DNA2: variants seen among roughly 807,000 people sequenced by gnomAD.
DNA2 encodes the protein DNA replication helicase/nuclease 2.
In DNA2, 101 loss-of-function variants were observed where a neutral mutation model predicts 119.1. The observed-to-expected ratio is 0.85, with a 90% CI of 0.72 to 1.00. The LOEUF (loss-of-function observed/expected upper bound fraction) is 1.00. DNA2 is among the 50% of genes least tolerant of loss of function. DNA2 has a pLI of 0.00. For missense variants in DNA2, 1,121 were observed against 1,255.5 expected (o/e 0.89, Z 1.62); for synonymous variants, 366 against 424.4 (o/e 0.86, Z 1.69).
chr10:68,422,922 A>C, intron 14 of DNA2, 32 bp from the exon 15 acceptor site: 3 of 1,447,824 alleles, frequency 2.1e-6, no homozygotes, highest in Non-Finnish European at 2.8e-6. Flanking sequence ...CAGTTATTTA[A>C]CATGTAAAAG....
In DNA2 at chr10:68,467,418, G is replaced by GTT. The variant is rs35789808; in HGVS notation, c.441+703_441+704dup. 1.8e-3 allele frequency among the ~76,000 whole-genome samples: 269 copies of GTT among 148,756 alleles called. 1 individual carries two copies. The highest frequency in any genetic ancestry group is 6.0e-3 in the African/African-American group (243 of 40,672). On this transcript the variant is annotated intron_variant, in intron 3 of 20. Transcript: ENST00000358410. Reference sequence around the variant, plus strand: ...GCCACTGCGCCCAGCCCCAAAATACGTTTTTTTTTTGAGACTTTTTATTTT... The same window carrying GTT: ...GCCACTGCGCCCAGCCCCAAAATACGTTTTTTTTTTTTGAGACTTTTTATTTT...
chr10:68,443,859 G>C (rs1264701823), intron 8 of DNA2, among the ~76,000 whole-genome samples: 1 of 152,082 alleles, frequency 6.6e-6, no homozygotes, highest in Non-Finnish European at 1.5e-5. Flanking sequence ...GCTGAGGCAG[G>C]AGAATTGCTT....
chr10:68,460,140 G>A (rs1266855268), intron 4 of DNA2, among the ~76,000 whole-genome samples: 4 of 150,296 alleles, frequency 2.7e-5, no homozygotes, highest in African/African-American at 4.9e-5. Context: ...AGGGTCTCAC[G>A]CTGTCACCCA....
chr10:68,418,366 C>T (rs915579017), intron 19 of DNA2, among the ~76,000 whole-genome samples: 3 of 149,398 alleles, frequency 2.0e-5, no homozygotes, highest in Non-Finnish European at 2.9e-5. Flanking sequence ...GAGCCGAGAT[C>T]GCACTACTGC....
At position 68,441,596 on chromosome 10, in the gene DNA2, T is replaced by C. The variant is rs547697992; in HGVS notation, c.1415+1321A>G. On this transcript the variant is annotated intron_variant, in intron 9 of 20. Coordinates refer to ENST00000358410, the MANE Select transcript of DNA2 (RefSeq NM_001080449.3). Reference sequence around the variant, plus strand: ...TTCAAGACCAGCCTGGCCAAGATGGTGAAACCCTGTCTCTACTAAAACTAC... The same window carrying C: ...TTCAAGACCAGCCTGGCCAAGATGGCGAAACCCTGTCTCTACTAAAACTAC... Among the ~76,000 whole-genome samples, 189 of 152,102 alleles carry C rather than the reference T, an allele frequency of 1.2e-3. 1 individual carries two copies. The highest frequency in any genetic ancestry group is 4.3e-3 in the African/African-American group (179 of 41,530).
At chr10:68,465,604 T>C (rs1233000349) in intron 4 of DNA2, 63 bp downstream of exon 4, 18 of 1,247,632 alleles carry the variant, frequency 1.4e-5, no homozygotes, top group African/African-American at 4.6e-5. Flanking sequence ...AAATACTTTA[T>C]AGTTTCTAGG....
chr10:68,423,096 C>G (rs2051688182), intron 14 of DNA2, among the ~76,000 whole-genome samples: 1 of 152,082 alleles, frequency 6.6e-6, no homozygotes, highest in African/African-American at 2.4e-5. Flanking sequence ...TTTCCAGACA[C>G]TATTGAACAA....
intron 18 of DNA2, 43 bp from the exon 19 acceptor site, chr10:68,419,256 T>C: frequency 7.2e-7 from 1 of 1,381,926 alleles, no homozygotes; most frequent in Non-Finnish European, 9.5e-7. Flanking sequence ...AAATCCTGAT[T>C]AAGTTAAACT....
chr10:68,467,901 A>G (rs1338463624), intron 3 of DNA2, among the ~76,000 whole-genome samples: 1 of 152,202 alleles, frequency 6.6e-6, no homozygotes, highest in Non-Finnish European at 1.5e-5. Context: ...CGAAGGACTC[A>G]GGCACCTGGC....
At chr10:68,416,144 C>T (rs1411391564) in intron 20 of DNA2, among the ~76,000 whole-genome samples, 1 of 152,100 alleles carries the variant, frequency 6.6e-6, no homozygotes, top group Non-Finnish European at 1.5e-5. Flanking sequence ...CACTACACTC[C>T]AGCCTGAGTG....
intron 10 of DNA2, among the ~76,000 whole-genome samples, chr10:68,434,285 CT>C (rs2051859350): frequency 6.6e-6 from 1 of 150,964 alleles, no homozygotes. Context: ...AAAAAAAAGC[CT>C]TCCCTGAACC....
intron 6 of DNA2, among the ~76,000 whole-genome samples, chr10:68,447,683 T>C (rs1308835639): frequency 6.6e-6 from 1 of 150,566 alleles, no homozygotes; most frequent in Non-Finnish European, 1.5e-5. Context: ...AGGGAGACTG[T>C]CTTAAAATAA....
At position 68,465,656 on chromosome 10, in the gene DNA2, T is replaced by C; in HGVS notation, c.587+11A>G. On this transcript the variant is annotated intron_variant, in intron 4 of 20. Transcript: ENST00000358410. ...AAAATTATACCTGCAGTTCTTCTTA[T>C]AACTACTTACATTTCCTTCAAATGT... The C allele has an allele frequency of 1.3e-6, 2 of 1,571,948 alleles. No individual in the cohort carries two copies. The highest frequency in any genetic ancestry group is 1.7e-6 in the Non-Finnish European group (2 of 1,158,890).
intron 20 of DNA2, 200 bp downstream of exon 20, chr10:68,416,509 A>G (rs987371820): frequency 3.9e-6 from 2 of 508,432 alleles, no homozygotes; most frequent in Non-Finnish European, 7.1e-6. Flanking sequence ...TTTGTTCTGG[A>G]TTAAAAAAGG....
intron 8 of DNA2, 125 bp downstream of exon 8, chr10:68,444,796 A>G (rs1269424439): frequency 1.6e-6 from 1 of 623,440 alleles, no homozygotes; most frequent in African/African-American, 2.0e-5. Context: ...AAATAATACG[A>G]AGGAAAATAT....
chr10:68,471,687 G>A (rs2052383402), intron 1 of DNA2, 104 bp downstream of exon 1: 1 of 1,389,950 alleles, frequency 7.2e-7, no homozygotes, highest in Non-Finnish European at 9.5e-7. Flanking sequence ...CCGGGTCCCT[G>A]GGCCCCGGGC....
chr10:68,448,557 T>C (rs779057137), intron 6 of DNA2, among the ~76,000 whole-genome samples: 2 of 152,226 alleles, frequency 1.3e-5, no homozygotes, highest in Admixed American at 6.5e-5. Context: ...ATTCCAACTT[T>C]TTTTAAGCCT....
At chr10:68,428,618 C>A (rs2051774631) in intron 14 of DNA2, among the ~76,000 whole-genome samples, 1 of 152,184 alleles carries the variant, frequency 6.6e-6, no homozygotes, top group Non-Finnish European at 1.5e-5. Context: ...TACATCCATG[C>A]TATGGAAAAA....
At chr10:68,471,979 A>C, upstream of DNA2, 1 of 1,611,862 alleles carries the variant, frequency 6.2e-7, no homozygotes. Flanking sequence ...CGCATGCGCC[A>C]ACCCGCAGAT....
Sources: gnomAD v4.1 joint callset for allele counts (sites outside exome capture counted in the v4.1 genomes callset) on GRCh38, gnomAD v4.1.1 for gene constraint, MANE v1.5 for transcripts, NCBI Gene and HGNC (gene_info 2026-07-23, HGNC 2026-07-21) for gene names.